KCNG4: variants seen among roughly 807,000 people sequenced by gnomAD.
The protein encoded by KCNG4 is potassium voltage-gated channel modifier subfamily G member 4, also known as voltage-gated potassium channel regulatory subunit KCNG4.
In KCNG4, 30 loss-of-function variants were observed where a neutral mutation model predicts 28.2. The observed-to-expected ratio is 1.06, with a 90% confidence interval of 0.80 to 1.44. KCNG4 has a LOEUF of 1.44. KCNG4 is among the 40% of genes most tolerant of loss of function. The pLI is 0.00. For synonymous variants in KCNG4, 375 were observed against 315.5 expected (o/e 1.19, Z -2.00); for missense variants, 879 against 712.3 (o/e 1.23, Z -2.66).
Position 84,222,345 on chromosome 16 carries a change from G to C in KCNG4, c.1432C>G (p.Leu478Val). ...TCACTGGCTGGACCGGTGTTTTGGA[G>C]GTGGCGGAGGCGGGCCTGAAGCTGC... ...QEQLQARLRHLQNTGPASECE... is the reference protein window; with the variant it reads ...QEQLQARLRHVQNTGPASECE... Residue 478 changes from leucine to valine, a missense_variant, in exon 3 of 3, where the codon CTC becomes GTC. Transcript: ENST00000308251. 6.2e-7 allele frequency: 1 copy of C among 1,614,160 alleles called. No homozygotes were observed. Among genetic ancestry groups the C allele is most frequent in the Non-Finnish European group, 8.5e-7 (1 of 1,180,012 alleles).
rs569996094 is a variant in KCNG4 at position 84,233,239 on chromosome 16, T to C, written c.756+3491A>G. 6.6e-5 allele frequency among the ~76,000 whole-genome samples: 10 copies of C among 152,318 alleles called. No homozygotes were observed. In the South Asian group the frequency reaches 2.1e-3, roughly 32 times the overall value. ...CTGAGGCTCAAGGAGGTTAAGTGACTTTCCCAAGATCACTGGGTTAGTCAT... is the reference window on the plus strand; with the variant it reads ...CTGAGGCTCAAGGAGGTTAAGTGACCTTCCCAAGATCACTGGGTTAGTCAT... On this transcript the variant is annotated intron_variant, in intron 2 of 2. Transcript: ENST00000308251.
chr16:84,229,720 G>T (rs528541794), intron 2 of KCNG4, among the ~76,000 whole-genome samples: 2 of 152,188 alleles, frequency 1.3e-5, no homozygotes, highest in East Asian at 1.9e-4. Context: ...CTGCAGAGGT[G>T]GGGGGACTGT....
Position 84,222,559 on chromosome 16 carries a change from G to A in KCNG4, c.1218C>T (p.Pro406=), listed in dbSNP as rs75436652. 45 of 1,613,416 alleles carry A rather than the reference G, an allele frequency of 2.8e-5. No individual in the cohort carries two copies. The Admixed American group carries it at 4.2e-4, about 15-fold the overall frequency. ...AGATGATGGCCCACCAATAGGAGGC[G>A]GGGATGCTGGTGAACTCCAGCACCC... ...SGRVLEFTSI[P]ASYWWAIISM... The change falls in exon 3 of 3, where the codon CCC becomes CCT. Residue 406 remains proline (P), a synonymous_variant. Transcript: ENST00000308251.
chr16:84,222,049 G>T lies in KCNG4; in HGVS notation c.*168C>A, dbSNP rs541869843. On this transcript the variant is annotated 3_prime_UTR_variant, in exon 3 of 3. Transcript: ENST00000308251. ...CAGCCTGGGACATCGGGGCCCCGAG[G>T]GACAAGGATCACAGACACACAGCCT... The T allele has an allele frequency of 1.2e-5, 9 of 774,212 alleles. No homozygotes were observed. Among genetic ancestry groups the T allele is most frequent in the Non-Finnish European group, 1.9e-5 (9 of 475,258 alleles). The allele number at this position is 774,212 out of a possible 1,614,324, so 48.0% of individuals were successfully genotyped here.
Position 84,236,961 on chromosome 16 carries a change from C to G in KCNG4, c.525G>C (p.Leu175=), listed in dbSNP as rs1269438215. The change falls in exon 2 of 3, where the codon CTG becomes CTC. Residue 175 remains leucine (L), a synonymous_variant. Coordinates refer to ENST00000308251, the MANE Select transcript of KCNG4 (RefSeq NM_172347.3). ...LLRKLEELEE[L]AKLHREDVLR... is the part of the protein sequence containing the mutation. ...GTACGTCCTCCCTGTGCAGCTTGGC[C>G]AGCTCCTCCAGCTCCTCCAGCTTCC... 1 of 1,613,112 alleles carries G rather than the reference C, an allele frequency of 6.2e-7. No homozygotes were observed. The highest frequency in any genetic ancestry group is 1.3e-5 in the African/African-American group (1 of 74,888).
chr16:84,223,117 A>G, intron 2 of KCNG4, 97 bp from the exon 3 acceptor site: 1 of 1,014,534 alleles, frequency 9.9e-7, no homozygotes, highest in East Asian at 2.7e-5. Flanking sequence ...TTTGTGCTGT[A>G]AACTTAGTCG....
chr16:84,230,675 G>A (rs1904807614), intron 2 of KCNG4, among the ~76,000 whole-genome samples: 1 of 152,232 alleles, frequency 6.6e-6, no homozygotes. Context: ...GGGAAGGCGA[G>A]GACCAAAGAG....
At chr16:84,228,613 C>A (rs181617352) in intron 2 of KCNG4, among the ~76,000 whole-genome samples, 48 of 152,286 alleles carry the variant, frequency 3.2e-4, no homozygotes, top group African/African-American at 1.1e-3. Flanking sequence ...CCGCCACCCC[C>A]CCGCCCACTC....
Position 84,222,953 on chromosome 16 carries a change from A to G in KCNG4, c.824T>C (p.Leu275Pro). ...CTGGACAAACCGCAGGCAGAACTCC[A>G]GGGAGAACCAGGCCACGCAGATGGT... ...VETICVAWFS[L>P]EFCLRFVQAQ... The change falls in exon 3 of 3, where the codon CTG becomes CCG. Residue 275 changes from leucine (L) to proline (P), a missense_variant. Transcript: ENST00000308251. 1.3e-6 allele frequency: 2 copies of G among 1,577,854 alleles called. No homozygotes were observed. Among genetic ancestry groups the G allele is most frequent in the South Asian group, 2.3e-5 (2 of 85,974 alleles).
chr16:84,230,197 G>A (rs959734077), intron 2 of KCNG4, among the ~76,000 whole-genome samples: 2 of 152,140 alleles, frequency 1.3e-5, no homozygotes, highest in Admixed American at 1.3e-4. Context: ...CTGAGGTCAG[G>A]AGTTCGAAAC....
chr16:84,232,046 C>G (rs1173417871), intron 2 of KCNG4, among the ~76,000 whole-genome samples: 1 of 151,068 alleles, frequency 6.6e-6, no homozygotes, highest in Non-Finnish European at 1.5e-5. Context: ...GATCTCGAAT[C>G]CTGCCTATTG....
chr16:84,227,982 T>C (rs1411091802), intron 2 of KCNG4, among the ~76,000 whole-genome samples: 1 of 152,232 alleles, frequency 6.6e-6, no homozygotes, highest in Non-Finnish European at 1.5e-5. Context: ...CACCGAATTG[T>C]GCACTTTAAA....
chr16:84,231,729 C>A (rs190551572), intron 2 of KCNG4, among the ~76,000 whole-genome samples: 1 of 151,940 alleles, frequency 6.6e-6, no homozygotes, highest in Non-Finnish European at 1.5e-5. Context: ...CGGGGTCGGG[C>A]GTGGTGGCTC....
At chr16:84,234,034 G>A (rs1203421551) in intron 2 of KCNG4, among the ~76,000 whole-genome samples, 1 of 152,164 alleles carries the variant, frequency 6.6e-6, no homozygotes, top group African/African-American at 2.4e-5. Context: ...CCTCACGAGC[G>A]GCACTTAGGA....
Position 84,224,752 on chromosome 16 carries a change from A to T in KCNG4, c.757-1732T>A, listed in dbSNP as rs1433573525. Among the ~76,000 whole-genome samples the T allele has an allele frequency of 2.6e-5, 4 of 152,272 alleles. No homozygotes were observed. In the East Asian group the frequency reaches 7.7e-4, roughly 29 times the overall value. ...AGCACTGCCAAGGGGTGGAGTCCAG[A>T]GTGTTCCAGCCTCTTCTTTGGAAAC... On this transcript the variant is annotated intron_variant, in intron 2 of 2. Coordinates refer to ENST00000308251, the MANE Select transcript of KCNG4 (RefSeq NM_172347.3).
rs1271735374 is a variant in KCNG4, at chr16:84,239,748, G to C, written c.-119C>G. On this transcript the variant is annotated 5_prime_UTR_variant, in exon 1 of 3. Coordinates refer to ENST00000308251, the MANE Select transcript of KCNG4 (RefSeq NM_172347.3). ...CCCATCTCTTGGTGCCCAGGGAAGG[G>C]ACAGGTTTCTGGTGGAGATGAAGGG... 2.7e-5 allele frequency: 4 copies of C among 150,426 alleles called. No homozygotes were observed. The highest frequency in any genetic ancestry group is 9.8e-5 in the African/African-American group (4 of 40,986). 9.3% of individuals were successfully genotyped at this position (150,426 alleles called of 1,614,324 possible).
chr16:84,228,741 G>A (rs918727881), intron 2 of KCNG4, among the ~76,000 whole-genome samples: 6 of 152,254 alleles, frequency 3.9e-5, no homozygotes, highest in Non-Finnish European at 8.8e-5. Flanking sequence ...TCTCTCTGAA[G>A]GCGTCTTCCC....
chr16:84,227,706 C>A (rs916200849), intron 2 of KCNG4, among the ~76,000 whole-genome samples: 1 of 152,120 alleles, frequency 6.6e-6, no homozygotes, highest in Non-Finnish European at 1.5e-5. Context: ...ACATAAAATG[C>A]GGCCTATTCA....
rs1299505710 is a variant in KCNG4, at chr16:84,218,760, T to A, written c.*3457A>T. 3 of 152,216 alleles carry A rather than the reference T, an allele frequency of 2.0e-5. No individual in the cohort carries two copies. The East Asian group carries it at 5.8e-4, about 29-fold the overall frequency. The allele number at this position is 152,216 out of a possible 1,614,324, so 9.4% of individuals were successfully genotyped here. ...GTCTAATTTAGCAGAGAATCTCAAC[T>A]GGGTGAACATTAAGACACTATAGAA... On this transcript the variant is annotated 3_prime_UTR_variant, in exon 3 of 3. Coordinates refer to ENST00000308251, the MANE Select transcript of KCNG4 (RefSeq NM_172347.3).
Sources: allele counts gnomAD v4.1 joint callset (sites outside exome capture counted in the v4.1 genomes callset), GRCh38; gene constraint gnomAD v4.1.1; transcripts MANE v1.5; gene names NCBI Gene and HGNC (gene_info 2026-07-23, HGNC 2026-07-21).